WBP2NL: variants seen among roughly 807,000 people sequenced by gnomAD.
WBP2NL encodes the protein postacrosomal sheath WW domain-binding protein.
In WBP2NL, 27 loss-of-function variants were observed where a neutral mutation model predicts 23.3. That is an observed-to-expected ratio of 1.16 (90% CI 0.85 to 1.60). The LOEUF (loss-of-function observed/expected upper bound fraction) is 1.60. Ranked by LOEUF, WBP2NL falls within the 40% of genes most tolerant of loss-of-function variation. WBP2NL has a pLI of 0.00. For missense variants in WBP2NL, 370 were observed against 389.5 expected, an observed-to-expected ratio of 0.95 and a Z score of 0.42; for synonymous variants, 151 against 145.9, an observed-to-expected ratio of 1.03 and a Z score of -0.25.
At chr22:42,039,908 GTT>G (rs80348568) in intron 8 of WBP2NL, among the ~76,000 whole-genome samples, 2 of 135,628 alleles carry the variant, frequency 1.5e-5, no homozygotes, top group Non-Finnish European at 3.2e-5. Context: ...GTACAGTTAG[GTT>G]TTTTTTTTTT....
At chr22:42,053,922 G>A (rs1395012905) in intron 8 of WBP2NL, among the ~76,000 whole-genome samples, 1 of 151,934 alleles carries the variant, frequency 6.6e-6, no homozygotes, top group African/African-American at 2.4e-5. Flanking sequence ...TACAAATGCT[G>A]CATCCCATCC....
chr22:42,026,941 A>T lies in WBP2NL; in HGVS notation c.690A>T (p.Gly230=), dbSNP rs773798802. Residue 230 remains glycine, a synonymous_variant, in exon 6 of 6, where the codon GGA becomes GGT. Coordinates refer to ENST00000328823, the MANE Select transcript of WBP2NL (RefSeq NM_152613.3). The part of the protein sequence containing the change: ...PPLGYGAPPA[G]YGAPPLGYGA... ...TTGGATACGGAGCCCCACCTGCAGGATATGGAGCCCCACCTCTAGGATATG... is the reference window on the plus strand; with the variant it reads ...TTGGATACGGAGCCCCACCTGCAGGTTATGGAGCCCCACCTCTAGGATATG... The T allele has an allele frequency of 6.2e-7, 1 of 1,611,776 alleles. No individual in the cohort carries two copies. Among genetic ancestry groups the T allele is most frequent in the Admixed American group, 1.7e-5 (1 of 59,780 alleles).
At chr22:42,044,065 T>G (rs1249926200) in intron 8 of WBP2NL, among the ~76,000 whole-genome samples, 4 of 152,062 alleles carry the variant, frequency 2.6e-5, no homozygotes, top group African/African-American at 9.7e-5. Flanking sequence ...AAGAAAAGAT[T>G]TCCTTCTCTG....
intron 4 of WBP2NL, among the ~76,000 whole-genome samples, chr22:42,020,517 C>T (rs2146788608): frequency 6.6e-6 from 1 of 152,204 alleles, no homozygotes; most frequent in Non-Finnish European, 1.5e-5. Context: ...TATTCAGTCC[C>T]TTCCTATCCT....
chr22:42,029,162 T>C (rs1193321963), downstream of WBP2NL, among the ~76,000 whole-genome samples: 2 of 152,052 alleles, frequency 1.3e-5, no homozygotes, highest in African/African-American at 4.8e-5. Context: ...GCCTTAAAAA[T>C]ACATTAGTAG....
At chr22:41,999,643 C>A (rs890898994) in intron 1 of WBP2NL, among the ~76,000 whole-genome samples, 1 of 152,038 alleles carries the variant, frequency 6.6e-6, no homozygotes, top group Admixed American at 6.6e-5. Context: ...TGGTGTGCAC[C>A]CATAATCCCA....
chr22:42,042,170 A>G (rs967392587), intron 8 of WBP2NL, among the ~76,000 whole-genome samples: 2 of 152,192 alleles, frequency 1.3e-5, no homozygotes, highest in Non-Finnish European at 2.9e-5. Flanking sequence ...TTGGGATCCT[A>G]TGGGCTTCTT....
At chr22:42,018,855 ATAG>A (rs961532153) in intron 1 of WBP2NL, among the ~76,000 whole-genome samples, 2 of 151,980 alleles carry the variant, frequency 1.3e-5, no homozygotes, top group South Asian at 4.1e-4. Context: ...TTTCAATAAA[ATAG>A]TAGTAGTAGT....
At chr22:42,013,090 T>C (rs1287082425) in intron 1 of WBP2NL, among the ~76,000 whole-genome samples, 1 of 151,284 alleles carries the variant, frequency 6.6e-6, no homozygotes, top group Admixed American at 6.6e-5. Flanking sequence ...AAATCGCTGC[T>C]GGCCGGGCGT....
intron 8 of WBP2NL, among the ~76,000 whole-genome samples, chr22:42,055,451 A>G (rs1450607624): frequency 6.6e-6 from 1 of 152,228 alleles, no homozygotes; most frequent in Non-Finnish European, 1.5e-5. Flanking sequence ...CTGGGATTAC[A>G]GGTGTGAGCC....
At chr22:42,001,609 G>T in intron 1 of WBP2NL, 4 of 1,142,464 alleles carry the variant, frequency 3.5e-6, no homozygotes, top group Admixed American at 1.7e-5. Flanking sequence ...CAGTGGCACC[G>T]CCTGATGCCA....
chr22:42,032,120 G>A (rs554835828), downstream of WBP2NL: 1 of 152,306 alleles, frequency 6.6e-6, no homozygotes, highest in South Asian at 2.1e-4. Flanking sequence ...CAAATCCTAA[G>A]ATTATGCAAA....
intron 1 of WBP2NL, among the ~76,000 whole-genome samples, chr22:42,000,113 A>AGCTGGATGATGTGCTTGGG (rs1485103122): frequency 6.6e-6 from 1 of 152,178 alleles, no homozygotes; most frequent in South Asian, 2.1e-4. Context: ...TTGAAACTCA[A>AGCTGGATGATGTGCTTGGG]GCTGGATGAT....
At position 42,027,713 on chromosome 22, in the gene WBP2NL, A is replaced by G. The variant is rs1367633885; in HGVS notation, c.*532A>G. 8.6e-6 allele frequency: 3 copies of G among 348,230 alleles called. No homozygotes were observed. Among genetic ancestry groups the G allele is most frequent in the Non-Finnish European group, 1.5e-5 (3 of 195,798 alleles). The allele number at this position is 348,230 out of a possible 1,614,324, so 21.6% of individuals were successfully genotyped here. On this transcript the variant is annotated 3_prime_UTR_variant, in exon 6 of 6. Transcript: ENST00000328823. ...GCCTTCTTTGAGGAGACCAAAACCAACAAATAAAAGCATGATAAATTGACT... is the reference window on the plus strand; with the variant it reads ...GCCTTCTTTGAGGAGACCAAAACCAGCAAATAAAAGCATGATAAATTGACT...
chr22:42,054,723 A>T (rs1389235640), intron 8 of WBP2NL, among the ~76,000 whole-genome samples: 1 of 151,834 alleles, frequency 6.6e-6, no homozygotes, highest in Non-Finnish European at 1.5e-5. Flanking sequence ...TGTAAAAAAA[A>T]AAAAAAAATC....
chr22:42,026,944 T>C lies in WBP2NL; in HGVS notation c.693T>C (p.Tyr231=), dbSNP rs1663802172. ...GATACGGAGCCCCACCTGCAGGATA[T>C]GGAGCCCCACCTCTAGGATATGGAG... ...PLGYGAPPAG[Y]GAPPLGYGAP... The change falls in exon 6 of 6, where the codon TAT becomes TAC. Residue 231 remains tyrosine (Y), a synonymous_variant. Transcript: ENST00000328823. 6.2e-7 allele frequency: 1 copy of C among 1,610,922 alleles called. No homozygotes were observed.
chr22:42,019,638 T>A (rs754934266), intron 2 of WBP2NL, 24 bp from the exon 3 acceptor site: 24 of 1,613,296 alleles, frequency 1.5e-5, no homozygotes, highest in Non-Finnish European at 1.8e-5. Context: ...GCATTCCTTT[T>A]CCAAAGTTTC....
intron 1 of WBP2NL, among the ~76,000 whole-genome samples, chr22:42,016,668 C>T (rs528329008): frequency 6.6e-6 from 1 of 152,170 alleles, no homozygotes. Flanking sequence ...GCTTTTATGG[C>T]TAGACTGACA....
intron 1 of WBP2NL, chr22:42,001,854 A>G: frequency 7.2e-7 from 1 of 1,397,916 alleles, no homozygotes; most frequent in Non-Finnish European, 9.7e-7. Flanking sequence ...GGCATGCTGC[A>G]CCTGTAGCAG....
Sources: allele counts gnomAD v4.1 joint callset (sites outside exome capture counted in the v4.1 genomes callset), GRCh38; gene constraint gnomAD v4.1.1; transcripts MANE v1.5; gene names NCBI Gene and HGNC (gene_info 2026-07-23, HGNC 2026-07-21).